The following CLSTN2 variants were observed in gnomAD, a reference collection of about 807,000 sequenced individuals.
The protein encoded by CLSTN2 is calsyntenin-2.
In CLSTN2, 48 loss-of-function variants were observed where a neutral mutation model predicts 101.2. The ratio of observed to expected loss-of-function variants is 0.47; its 90% confidence interval spans 0.38 to 0.60. The LOEUF (loss-of-function observed/expected upper bound fraction) is 0.60. Ranked by LOEUF, CLSTN2 falls within the 20% of genes least tolerant of loss-of-function variation. The pLI is 0.00. For missense variants in CLSTN2, 1,160 were observed against 1,238.2 expected, an observed-to-expected ratio of 0.94 and a Z score of 0.95; for synonymous variants, 481 against 463.6, an observed-to-expected ratio of 1.04 and a Z score of -0.48.
intron 1 of CLSTN2, among the ~76,000 whole-genome samples, chr3:139,997,992 A>G (rs533419658): frequency 1.3e-5 from 2 of 152,322 alleles, no homozygotes; most frequent in African/African-American, 4.8e-5. Flanking sequence ...ACTAGTGCCA[A>G]CTTCTCTCTT....
chr3:140,080,480 T>A (rs1230043617), intron 1 of CLSTN2, among the ~76,000 whole-genome samples: 1 of 152,098 alleles, frequency 6.6e-6, no homozygotes, highest in Non-Finnish European at 1.5e-5. Flanking sequence ...TGGGTCTCAG[T>A]CTCATCTATT....
At chr3:139,980,406 G>C (rs1431345879) in intron 1 of CLSTN2, among the ~76,000 whole-genome samples, 1 of 151,994 alleles carries the variant, frequency 6.6e-6, no homozygotes, top group Non-Finnish European at 1.5e-5. Context: ...TTAAGTCTCT[G>C]CTGAAACACA....
chr3:140,116,874 G>A (rs1337824752), intron 1 of CLSTN2, among the ~76,000 whole-genome samples: 2 of 152,150 alleles, frequency 1.3e-5, no homozygotes, highest in Non-Finnish European at 1.5e-5. Context: ...TATCCCACTA[G>A]CAAAGTGCAC....
intron 1 of CLSTN2, among the ~76,000 whole-genome samples, chr3:140,140,768 C>G (rs1421176113): frequency 1.2e-4 from 19 of 152,192 alleles, no homozygotes; most frequent in Non-Finnish European, 2.4e-4. Flanking sequence ...GTGGCAAAGT[C>G]AGGATTGAAC....
chr3:140,448,469 C>T (rs372615750), intron 5 of CLSTN2, 50 bp from the exon 6 acceptor site: 72 of 1,458,712 alleles, frequency 4.9e-5, no homozygotes, highest in Non-Finnish European at 6.3e-5. Context: ...AATGTTCCAG[C>T]AGAACTGACT....
chr3:140,467,230 G>C (rs772012033), intron 8 of CLSTN2, among the ~76,000 whole-genome samples: 13 of 152,168 alleles, frequency 8.5e-5, no homozygotes, highest in Non-Finnish European at 1.8e-4. Context: ...ACTCACTCCA[G>C]AGCCTCGTGA....
At chr3:140,314,695 C>A (rs1414237752) in intron 2 of CLSTN2, among the ~76,000 whole-genome samples, 1 of 152,130 alleles carries the variant, frequency 6.6e-6, no homozygotes, top group Non-Finnish European at 1.5e-5. Context: ...TATGTGGGAA[C>A]TGGGACCCAA....
chr3:140,240,215 C>CATAT (rs749558544), intron 2 of CLSTN2, among the ~76,000 whole-genome samples: 1 of 31,480 alleles, frequency 3.2e-5, no homozygotes, highest in Non-Finnish European at 6.0e-5. Flanking sequence ...CACACACACA[C>CATAT]ACACACATAT....
intron 9 of CLSTN2, among the ~76,000 whole-genome samples, chr3:140,543,488 GGGT>G (rs1345351379): frequency 6.6e-6 from 1 of 152,184 alleles, no homozygotes; most frequent in Non-Finnish European, 1.5e-5. Context: ...AAGATGTTTT[GGGT>G]GGCAAGTAAC....
intron 2 of CLSTN2, among the ~76,000 whole-genome samples, chr3:140,309,622 G>A (rs2107915735): frequency 6.6e-6 from 1 of 152,232 alleles, no homozygotes; most frequent in Non-Finnish European, 1.5e-5. Flanking sequence ...GCTGGGCACA[G>A]CAGGGTCCCT....
intron 2 of CLSTN2, among the ~76,000 whole-genome samples, chr3:140,361,802 A>G (rs956002414): frequency 5.9e-5 from 9 of 152,182 alleles, no homozygotes; most frequent in African/African-American, 1.9e-4. Context: ...GAAAACTACA[A>G]AAACATAGCT....
intron 4 of CLSTN2, among the ~76,000 whole-genome samples, chr3:140,409,629 C>G (rs181212741): frequency 4.7e-4 from 72 of 152,276 alleles, no homozygotes; most frequent in African/African-American, 1.6e-3. Flanking sequence ...TTACACAAGA[C>G]TACAAGTATC....
At chr3:140,020,405 A>G (rs145912347) in intron 1 of CLSTN2, among the ~76,000 whole-genome samples, 1 of 152,290 alleles carries the variant, frequency 6.6e-6, no homozygotes, top group Non-Finnish European at 1.5e-5. Flanking sequence ...GCATGCTCAC[A>G]TATGCCTTTA....
chr3:140,563,286 G>A lies in CLSTN2; in HGVS notation c.2482+83G>A, dbSNP rs138194926. The A allele has an allele frequency of 7.6e-5, 114 of 1,493,120 alleles. No homozygotes were observed. In the African/African-American group the frequency reaches 1.4e-3, roughly 18 times the overall value. 92.5% of individuals were successfully genotyped at this position (1,493,120 alleles called of 1,614,324 possible). ...TATCTACTCAACAGACGGTTATGTTGTAGCAAACGTAGGTGCCCAGAACTG... is the reference window on the plus strand; with the variant it reads ...TATCTACTCAACAGACGGTTATGTTATAGCAAACGTAGGTGCCCAGAACTG... On this transcript the variant is annotated intron_variant, in intron 15 of 16. Transcript: ENST00000458420.
At chr3:140,237,787 T>C (rs2086429988) in intron 2 of CLSTN2, among the ~76,000 whole-genome samples, 1 of 152,204 alleles carries the variant, frequency 6.6e-6, no homozygotes, top group Admixed American at 6.5e-5. Context: ...TTCTATTATT[T>C]CATCATAGTA....
At chr3:140,428,098 A>G (rs1328192407) in intron 5 of CLSTN2, among the ~76,000 whole-genome samples, 1 of 152,178 alleles carries the variant, frequency 6.6e-6, no homozygotes, top group East Asian at 1.9e-4. Flanking sequence ...AGCCCTCCTT[A>G]CAGGGGCACT....
At chr3:139,958,849 A>G (rs1212597485) in intron 1 of CLSTN2, among the ~76,000 whole-genome samples, 1 of 148,952 alleles carries the variant, frequency 6.7e-6, no homozygotes, top group Non-Finnish European at 1.5e-5. Context: ...GATGAGTCTT[A>G]TAATTGATGG....
intron 1 of CLSTN2, among the ~76,000 whole-genome samples, chr3:140,100,078 C>G (rs549260357): frequency 6.6e-6 from 1 of 152,080 alleles, no homozygotes; most frequent in Non-Finnish European, 1.5e-5. Context: ...CGTAGAAACT[C>G]TTGCCTACAT....
chr3:139,938,730 A>G (rs1279603629), intron 1 of CLSTN2, among the ~76,000 whole-genome samples: 1 of 152,186 alleles, frequency 6.6e-6, no homozygotes, highest in African/African-American at 2.4e-5. Context: ...AAATTTGGCA[A>G]AATGTCAGTG....
Sources: gnomAD v4.1 joint callset for allele counts (sites outside exome capture counted in the v4.1 genomes callset) on GRCh38, gnomAD v4.1.1 for gene constraint, MANE v1.5 for transcripts, NCBI Gene and HGNC (gene_info 2026-07-23, HGNC 2026-07-21) for gene names.